CELF2: variants seen among roughly 807,000 people sequenced by gnomAD.
CELF2 encodes CUGBP Elav-like family member 2, also known as CUG triplet repeat RNA-binding protein 2.
CELF2 carries 8 observed loss-of-function variants against 62.6 expected under a neutral mutation model. The observed-to-expected ratio is 0.13, with a 90% confidence interval of 0.07 to 0.23. The LOEUF (loss-of-function observed/expected upper bound fraction) is 0.23. Ranked by LOEUF, CELF2 falls within the 10% of genes least tolerant of loss-of-function variation. CELF2 has a pLI of 1.00. For missense variants in CELF2, 333 were observed against 671.0 expected, an observed-to-expected ratio of 0.50 and a Z score of 5.56; for synonymous variants, 258 against 250.0, an observed-to-expected ratio of 1.03 and a Z score of -0.30.
intron 1 of CELF2, among the ~76,000 whole-genome samples, chr10:11,155,205 T>G (rs1023086701): frequency 6.6e-6 from 1 of 152,220 alleles, no homozygotes; most frequent in Non-Finnish European, 1.5e-5. Flanking sequence ...AAGCAGAATT[T>G]ATTGAGCTTA....
the CELF2 span, among the ~76,000 whole-genome samples, chr10:10,708,667 C>A: frequency 6.6e-6 from 1 of 152,136 alleles, no homozygotes; most frequent in African/African-American, 2.4e-5. Context: ...CTCTTCCTCT[C>A]TTTTTATTAA....
chr10:11,122,507 C>T (rs1010587744), intron 1 of CELF2, among the ~76,000 whole-genome samples: 7 of 152,218 alleles, frequency 4.6e-5, no homozygotes, highest in African/African-American at 1.7e-4. Flanking sequence ...ACCCTTCAAA[C>T]AGTGACTGTA....
chr10:11,044,097 C>T (rs1022577446), intron 1 of CELF2, among the ~76,000 whole-genome samples: 4 of 152,204 alleles, frequency 2.6e-5, no homozygotes, highest in African/African-American at 9.7e-5. Context: ...ACTTAGTCGC[C>T]TCATCCAAAG....
At chr10:11,195,846 A>G (rs975867445) in intron 2 of CELF2, among the ~76,000 whole-genome samples, 7 of 152,218 alleles carry the variant, frequency 4.6e-5, no homozygotes, top group African/African-American at 1.2e-4. Context: ...TATTGCAGCA[A>G]TGCCGAAGAG....
Position 11,041,309 on chromosome 10 carries a change from AGTG to A in CELF2, c.74+23152_74+23154del, listed in dbSNP as rs368148130. Among the ~76,000 whole-genome samples the A allele has an allele frequency of 3.4e-3, 518 of 152,320 alleles. 1 individual carries two copies. The highest frequency in any genetic ancestry group is 0.011 in the African/African-American group (454 of 41,570). On this transcript the variant is annotated intron_variant, in intron 1 of 12. Coordinates refer to ENST00000633077, the MANE Select transcript of CELF2 (RefSeq NM_001326342.2). ...GGGACACAGTCAGTCCATGATAAAC[AGTG>A]GTGGTATCAAGATGTAGAGTAAGAT...
At chr10:11,017,703 G>A (rs1437587852), upstream of CELF2, among the ~76,000 whole-genome samples, 1 of 152,060 alleles carries the variant, frequency 6.6e-6, no homozygotes, top group African/African-American at 2.4e-5. This position sits in a 1 kb window ranked among gnomAD's most constrained non-coding sequence, Gnocchi z 5.5. Flanking sequence ...GGCGGGGAGC[G>A]GGTTTGCCTT....
intron 1 of CELF2, among the ~76,000 whole-genome samples, chr10:11,091,546 G>A (rs912133238): frequency 1.3e-5 from 2 of 152,190 alleles, no homozygotes; most frequent in African/African-American, 4.8e-5. Context: ...GGGTAAACTA[G>A]ATTTGTGAGG....
At chr10:10,754,634 C>A in the CELF2 span, among the ~76,000 whole-genome samples, 1 of 152,300 alleles carries the variant, frequency 6.6e-6, no homozygotes, top group East Asian at 1.9e-4. Context: ...CAGTTTAAGT[C>A]TAGATTATTT....
At chr10:10,547,952 A>G in the CELF2 span, among the ~76,000 whole-genome samples, 19 of 152,102 alleles carry the variant, frequency 1.2e-4, no homozygotes, top group African/African-American at 4.1e-4. Context: ...TCATGTGGAG[A>G]GGGATGCCAT....
intron 1 of CELF2, among the ~76,000 whole-genome samples, chr10:11,127,619 T>A (rs1388385518): frequency 6.6e-6 from 1 of 152,238 alleles, no homozygotes; most frequent in African/African-American, 2.4e-5. Flanking sequence ...CATTGTGGTT[T>A]TGATTTGCAT....
the CELF2 span, among the ~76,000 whole-genome samples, chr10:10,712,147 CAAAA>C: frequency 1.5e-3 from 63 of 43,416 alleles, no homozygotes; most frequent in African/African-American, 4.6e-3. Context: ...AGGATAGAGA[CAAAA>C]AAAAAAAAAA....
the CELF2 span, among the ~76,000 whole-genome samples, chr10:10,597,492 AG>A: frequency 6.6e-6 from 1 of 152,220 alleles, no homozygotes; most frequent in African/African-American, 2.4e-5. Flanking sequence ...CACACTTCCA[AG>A]TCATTTCTAG....
the CELF2 span, among the ~76,000 whole-genome samples, chr10:10,475,984 CT>C: frequency 6.6e-6 from 1 of 152,050 alleles, no homozygotes; most frequent in South Asian, 2.1e-4. Flanking sequence ...CCTGGTTCTG[CT>C]AAAGTTAACT....
At chr10:11,293,653 T>C (rs963668517) in intron 9 of CELF2, among the ~76,000 whole-genome samples, 15 of 152,238 alleles carry the variant, frequency 9.9e-5, no homozygotes, top group African/African-American at 3.4e-4. Context: ...CCCTGTTGTC[T>C]GCAGGACGGT....
intron 1 of CELF2, among the ~76,000 whole-genome samples, chr10:10,835,103 C>G (rs1590969968): frequency 6.6e-6 from 1 of 152,110 alleles, no homozygotes; most frequent in Non-Finnish European, 1.5e-5. Context: ...CCTCACTAAG[C>G]TTTGCATCTT....
chr10:11,249,012 C>T, intron 3 of CELF2, 141 bp from the exon 4 acceptor site: 1 of 649,608 alleles, frequency 1.5e-6, no homozygotes, highest in African/African-American at 1.8e-5. Context: ...TACTTTTTAA[C>T]ATAGTTAATA....
the CELF2 span, among the ~76,000 whole-genome samples, chr10:10,703,707 T>C: frequency 6.6e-6 from 1 of 152,192 alleles, no homozygotes; most frequent in Non-Finnish European, 1.5e-5. Flanking sequence ...TATAAAATGA[T>C]GGGTAATAAT....
intron 11 of CELF2, among the ~76,000 whole-genome samples, chr10:11,322,669 G>GT: frequency 6.6e-6 from 1 of 151,492 alleles, no homozygotes; most frequent in African/African-American, 2.4e-5. Context: ...GAAGGAAAAG[G>GT]TTTTTTCTTT....
At chr10:11,070,392 T>C (rs78788022) in intron 1 of CELF2, among the ~76,000 whole-genome samples, 2,157 of 152,202 alleles carry the variant, frequency 0.014, 47 homozygotes, top group African/African-American at 0.049. Flanking sequence ...TCTTCCCCGA[T>C]TCTAAGAACA....
Sources: gnomAD v4.1 joint callset for allele counts (sites outside exome capture counted in the v4.1 genomes callset) on GRCh38, gnomAD v4.1.1 for gene constraint, Gnocchi (gnomAD v3.1) non-coding constraint, MANE v1.5 for transcripts, NCBI Gene and HGNC (gene_info 2026-07-23, HGNC 2026-07-21) for gene names.